Variants in CNOT9 observed in about 807,000 individuals in gnomAD.
The protein encoded by CNOT9 is RCD1 required for cell differentiation1 homolog.
A neutral mutation model predicts 37.4 loss-of-function variants in CNOT9; 8 were observed. The ratio of observed to expected loss-of-function variants is 0.21; its 90% CI spans 0.13 to 0.39. CNOT9 has a LOEUF of 0.39. CNOT9 is among the 10% of genes least tolerant of loss of function. CNOT9 has a pLI of 1.00. For synonymous variants in CNOT9, 120 were observed against 137.6 expected (o/e 0.87, Z 0.90); for missense variants, 154 against 365.3 (o/e 0.42, Z 4.71).
At chr2:218,569,119 G>T in intron 1 of CNOT9, 141 bp downstream of exon 1, 1 of 890,858 alleles carries the variant, frequency 1.1e-6, no homozygotes, top group Non-Finnish European at 1.7e-6. Flanking sequence ...TCCCCTCCTC[G>T]GCACGCTTTG....
Position 218,592,738 on chromosome 2 carries a change from G to A in CNOT9, c.731+31G>A. 1.3e-6 allele frequency: 2 copies of A among 1,550,772 alleles called. No individual in the cohort carries two copies. The highest frequency in any genetic ancestry group is 8.9e-7 in the Non-Finnish European group (1 of 1,122,192). ...CATTTATAGGATGTATAGGACTTTA[G>A]GGAAATACTCTGCTGAACAGTTTCC... On this transcript the variant is annotated intron_variant, in intron 7 of 7. Coordinates refer to ENST00000273064, the MANE Select transcript of CNOT9 (RefSeq NM_005444.3). The surrounding 1 kb of genome is among the most constrained non-coding windows in gnomAD (Gnocchi z 4.1).
chr2:218,580,990 C>G lies in CNOT9; in HGVS notation c.204+250C>G, dbSNP rs775884060. ...TATTTTAATAAGCACTTTCACCTCC[C>G]CCAGGTGATTGTGATGCAAGTGATC... On this transcript the variant is annotated intron_variant, in intron 2 of 7. Coordinates refer to ENST00000273064, the MANE Select transcript of CNOT9 (RefSeq NM_005444.3). The G allele has an allele frequency of 5.9e-5, 34 of 577,718 alleles. No homozygotes were observed. The highest frequency in any genetic ancestry group is 6.8e-5 in the Non-Finnish European group (21 of 306,868). 35.8% of individuals were successfully genotyped at this position (577,718 alleles called of 1,614,324 possible).
chr2:218,591,014 A>T (rs1295010363), intron 5 of CNOT9, among the ~76,000 whole-genome samples: 1 of 152,062 alleles, frequency 6.6e-6, no homozygotes, highest in Non-Finnish European at 1.5e-5. Context: ...TTTTAAGGAC[A>T]CTTCGTTATT....
intron 2 of CNOT9, among the ~76,000 whole-genome samples, chr2:218,581,335 T>A (rs1356708615): frequency 6.6e-6 from 1 of 151,030 alleles, no homozygotes; most frequent in Admixed American, 6.6e-5. Context: ...TGCCTGGCTT[T>A]TTTTTTTTTA....
chr2:218,569,853 T>G (rs1183232860), intron 1 of CNOT9, among the ~76,000 whole-genome samples: 4 of 152,224 alleles, frequency 2.6e-5, no homozygotes, highest in Middle Eastern at 3.2e-3. Context: ...TTAAACTGTT[T>G]ATCCAAATCC....
chr2:218,583,774 T>C (rs1451664839), intron 3 of CNOT9, among the ~76,000 whole-genome samples: 1 of 152,222 alleles, frequency 6.6e-6, no homozygotes, highest in Non-Finnish European at 1.5e-5. Flanking sequence ...AAATTACTTT[T>C]AAGCACTTAA....
intron 1 of CNOT9, among the ~76,000 whole-genome samples, chr2:218,577,089 T>C (rs2106082574): frequency 6.6e-6 from 1 of 152,342 alleles, no homozygotes; most frequent in Non-Finnish European, 1.5e-5. Flanking sequence ...AAATCCTAGC[T>C]TGCCATTTAA....
rs1328535989 is a variant in CNOT9 at position 218,597,038 on chromosome 2, G to A, written c.*2762G>A. The A allele has an allele frequency of 6.6e-6, 1 of 152,104 alleles. No homozygotes were observed. Among genetic ancestry groups the A allele is most frequent in the Non-Finnish European group, 1.5e-5 (1 of 68,024 alleles). 9.4% of individuals were successfully genotyped at this position (152,104 alleles called of 1,614,324 possible). ...CCTGCTGCTTAAAGGCTAGGAAAAG[G>A]GGGATATACAAAGTTGTTGCTTTCA... On this transcript the variant is annotated 3_prime_UTR_variant, in exon 8 of 8. Coordinates refer to ENST00000273064, the MANE Select transcript of CNOT9 (RefSeq NM_005444.3).
chr2:218,588,287 C>CTTTTTTTTTTTTTT (rs539751873), intron 5 of CNOT9, among the ~76,000 whole-genome samples: 1 of 141,552 alleles, frequency 7.1e-6, no homozygotes, highest in Non-Finnish European at 1.5e-5. Flanking sequence ...AATCATATAT[C>CTTTTTTTTTTTTTT]TTTTTTTTTT....
chr2:218,578,670 T>C (rs1405418697), intron 1 of CNOT9, among the ~76,000 whole-genome samples: 1 of 151,902 alleles, frequency 6.6e-6, no homozygotes, highest in Non-Finnish European at 1.5e-5. Context: ...TCCCGCTCCT[T>C]CTTTTATTTC....
Position 218,587,647 on chromosome 2 carries a change from C to A in CNOT9, c.492C>A (p.Ile164=). ...ACTTTTTATTAACAACAGAAATTAT[C>A]CCTTTATGTTTGCGAATTATGGAAT... ...VINFLLTTEI[I]PLCLRIMESG... The change falls in exon 5 of 8, where the codon ATC becomes ATA. Residue 164 remains isoleucine, a synonymous_variant. Transcript: ENST00000273064. 1 of 1,608,196 alleles carries A rather than the reference C, an allele frequency of 6.2e-7. No individual in the cohort carries two copies.
Position 218,583,193 on chromosome 2 carries a change from TTGTGTGTGTGTGTG to T in CNOT9, c.320+135_320+148del, listed in dbSNP as rs745627681. On this transcript the variant is annotated intron_variant, in intron 3 of 7. Coordinates refer to ENST00000273064, the MANE Select transcript of CNOT9 (RefSeq NM_005444.3). Reference sequence around the variant, plus strand: ...CATGGAGGAGAGAGAGAGAGAACGTTTGTGTGTGTGTGTGTGTGTGTGTGTGTGTGTGTGTGTGT... The same window carrying T: ...CATGGAGGAGAGAGAGAGAGAACGTTTGTGTGTGTGTGTGTGTGTGTGTGT... 2.9e-4 allele frequency: 117 copies of T among 401,438 alleles called. 33 individuals carry two copies. Among genetic ancestry groups the T allele is most frequent in the Admixed American group, 4.9e-4 (11 of 22,656 alleles). The allele number at this position is 401,438 out of a possible 1,614,324, so 24.9% of individuals were successfully genotyped here.
chr2:218,592,199 C>A lies in CNOT9; in HGVS notation c.541-105C>A. 2 of 773,678 alleles carry A rather than the reference C, an allele frequency of 2.6e-6. No homozygotes were observed. Among genetic ancestry groups the A allele is most frequent in the South Asian group, 1.6e-5 (1 of 62,644 alleles). The allele number at this position is 773,678 out of a possible 1,614,324, so 47.9% of individuals were successfully genotyped here. ...TGTACATAATATACAAGGATCCCTG[C>A]TTGCTCAATTTTCTGACTGATAGTC... On this transcript the variant is annotated intron_variant, in intron 5 of 7. Transcript: ENST00000273064. This position sits in a 1 kb window ranked among gnomAD's most constrained non-coding sequence, Gnocchi z 4.1.
intron 1 of CNOT9, among the ~76,000 whole-genome samples, chr2:218,575,413 T>C (rs1378922973): frequency 6.9e-6 from 1 of 145,356 alleles, no homozygotes; most frequent in Non-Finnish European, 1.5e-5. Flanking sequence ...TTGAGATGAG[T>C]CTTGCTCTGT....
chr2:218,593,526 A>G (rs1694847784), intron 7 of CNOT9: 1 of 1,490,556 alleles, frequency 6.7e-7, no homozygotes, highest in Non-Finnish European at 9.0e-7. Flanking sequence ...TACCTTTTTT[A>G]GGTTTTCAGA....
chr2:218,583,217 G>T (rs1302683375), intron 3 of CNOT9, 131 bp downstream of exon 3: 9 of 382,444 alleles, frequency 2.4e-5, no homozygotes, highest in Non-Finnish European at 4.2e-5. Context: ...GTGTGTGTGT[G>T]TGTGTGTGTG....
chr2:218,584,514 T>C (rs191675273), intron 3 of CNOT9, 98 bp from the exon 4 acceptor site: 32 of 840,172 alleles, frequency 3.8e-5, no homozygotes, highest in Admixed American at 2.6e-4. Flanking sequence ...GCTCTGACAA[T>C]GTTAAGGCCT....
chr2:218,590,142 A>T (rs192113923), intron 5 of CNOT9, among the ~76,000 whole-genome samples: 1 of 151,804 alleles, frequency 6.6e-6, no homozygotes. Flanking sequence ...ATCTCGGCTC[A>T]TTGCAACCTC....
chr2:218,587,418 G>T, intron 4 of CNOT9, 168 bp from the exon 5 acceptor site: 2 of 1,254,838 alleles, frequency 1.6e-6, no homozygotes, highest in Non-Finnish European at 2.0e-6. Context: ...CTACTGCGCC[G>T]CCCTCTTCCT....
Sources: allele counts gnomAD v4.1 joint callset (sites outside exome capture counted in the v4.1 genomes callset), GRCh38; gene constraint gnomAD v4.1.1; non-coding constraint Gnocchi (gnomAD v3.1); transcripts MANE v1.5; gene names NCBI Gene and HGNC (gene_info 2026-07-23, HGNC 2026-07-21).